MCTP2: variants seen among roughly 807,000 people sequenced by gnomAD.
MCTP2 encodes the protein multiple C2 and transmembrane domain containing 2, also known as multiple C2 and transmembrane domain-containing protein 2.
Under a neutral mutation model 111.6 loss-of-function variants are expected in MCTP2, and 132 were observed. The observed-to-expected ratio is 1.18, with a 90% CI of 1.03 to 1.37. MCTP2 has a LOEUF of 1.37. Ranked by LOEUF, MCTP2 falls within the 40% of genes most tolerant of loss-of-function variation. The probability of loss-of-function intolerance (pLI) is 0.00; values close to 1 mark genes in which losing one functional copy is unlikely to be tolerated. For synonymous variants in MCTP2, 395 were observed against 387.7 expected, an observed-to-expected ratio of 1.02 and a Z score of -0.22; for missense variants, 1,183 against 1,067.9, an observed-to-expected ratio of 1.11 and a Z score of -1.50.
intron 1 of MCTP2, among the ~76,000 whole-genome samples, chr15:94,238,577 G>A (rs75505775): frequency 0.01 from 1,535 of 152,290 alleles, 28 homozygotes; most frequent in African/African-American, 0.034. Flanking sequence ...GTTATGTGCT[G>A]AAATTTTAGT....
intron 17 of MCTP2, among the ~76,000 whole-genome samples, chr15:94,431,427 A>C (rs1031690250): frequency 1.4e-4 from 21 of 152,210 alleles, no homozygotes; most frequent in African/African-American, 4.1e-4. Context: ...AGTTAATGAA[A>C]GGTCTTAACT....
At chr15:94,460,135 C>T (rs1353632527) in intron 20 of MCTP2, among the ~76,000 whole-genome samples, 4 of 152,130 alleles carry the variant, frequency 2.6e-5, no homozygotes, top group Non-Finnish European at 5.9e-5. Context: ...AATTAGAATT[C>T]AGTAGCATTA....
At chr15:94,394,049 C>CAAAAAAAA (rs767685107) in intron 14 of MCTP2, among the ~76,000 whole-genome samples, 5 of 61,740 alleles carry the variant, frequency 8.1e-5, no homozygotes, top group African/African-American at 1.2e-4. Flanking sequence ...AACTCCATCT[C>CAAAAAAAA]AAAAAAAAAA....
At chr15:94,427,234 T>A (rs2082939206) in intron 17 of MCTP2, among the ~76,000 whole-genome samples, 1 of 152,146 alleles carries the variant, frequency 6.6e-6, no homozygotes, top group African/African-American at 2.4e-5. Context: ...TGAAGCAAAC[T>A]CTATGTTAGT....
chr15:94,381,689 G>A (rs1385902569), intron 12 of MCTP2, among the ~76,000 whole-genome samples: 1 of 152,248 alleles, frequency 6.6e-6, no homozygotes, highest in East Asian at 1.9e-4. Context: ...AAACGGTTAA[G>A]TAGCTGTTTC....
In MCTP2 at chr15:94,387,339, C is replaced by T. The variant is rs537360504; in HGVS notation, c.1788+1814C>T. Among the ~76,000 whole-genome samples, 22 of 151,986 alleles carry T rather than the reference C, an allele frequency of 1.4e-4. 1 individual carries two copies. The highest frequency in any genetic ancestry group is 4.6e-4 in the African/African-American group (19 of 41,458). On this transcript the variant is annotated intron_variant, in intron 14 of 22. Transcript: ENST00000357742. ...ACCTCTACACACTAGATAACAGTAA[C>T]GCCTGCCCACATCCCTGCTGTGACA...
intron 17 of MCTP2, among the ~76,000 whole-genome samples, chr15:94,415,714 T>G: frequency 6.6e-6 from 1 of 151,934 alleles, no homozygotes; most frequent in East Asian, 1.9e-4. Flanking sequence ...AACCCACATT[T>G]AGGACGTGAT....
chr15:94,385,328 T>C, intron 13 of MCTP2, 95 bp from the exon 14 acceptor site: 2 of 825,918 alleles, frequency 2.4e-6, no homozygotes, highest in African/African-American at 1.7e-5. Context: ...TCTAAGGACA[T>C]ACAGACTTAA....
At chr15:94,277,179 T>C (rs1596251851) in intron 1 of MCTP2, among the ~76,000 whole-genome samples, 1 of 152,228 alleles carries the variant, frequency 6.6e-6, no homozygotes, top group East Asian at 1.9e-4. Context: ...ACAATACTAA[T>C]AACTACAAAA....
At chr15:94,375,513 TCTC>T (rs66484252) in intron 12 of MCTP2, among the ~76,000 whole-genome samples, 9,422 of 152,192 alleles carry the variant, frequency 0.062, 489 homozygotes, top group South Asian at 0.1. Flanking sequence ...CTTCCAGAAT[TCTC>T]CTGGGGATTT....
At chr15:94,478,452 A>G (rs1020358031) in intron 22 of MCTP2, among the ~76,000 whole-genome samples, 2 of 152,246 alleles carry the variant, frequency 1.3e-5, no homozygotes, top group African/African-American at 4.8e-5. Context: ...TTTAGTCATT[A>G]CATTGCAAAT....
chr15:94,390,062 A>ATATATATATATGTATATATATATG (rs1567601937), intron 14 of MCTP2, among the ~76,000 whole-genome samples: 2 of 10,262 alleles, frequency 1.9e-4, no homozygotes, highest in South Asian at 4.2e-3. Flanking sequence ...ATATATATAT[A>ATATATATATATGTATATATATATG]TATATATATA....
At chr15:94,281,232 A>C (rs114721249) in intron 1 of MCTP2, among the ~76,000 whole-genome samples, 1 of 152,242 alleles carries the variant, frequency 6.6e-6, no homozygotes, top group African/African-American at 2.4e-5. Flanking sequence ...TGTTTTATGA[A>C]TCTGGCTGCT....
intron 4 of MCTP2, among the ~76,000 whole-genome samples, chr15:94,337,553 C>G (rs958524910): frequency 3.5e-5 from 5 of 144,762 alleles, no homozygotes; most frequent in Admixed American, 2.9e-4. Flanking sequence ...GAGGTGTTCT[C>G]TTCTGCTGTA....
intron 8 of MCTP2, among the ~76,000 whole-genome samples, chr15:94,354,290 G>T (rs1248010052): frequency 6.6e-6 from 1 of 152,092 alleles, no homozygotes; most frequent in Non-Finnish European, 1.5e-5. Context: ...ATATTGATAT[G>T]GTTAGACTTT....
At chr15:94,424,887 TC>T in intron 17 of MCTP2, among the ~76,000 whole-genome samples, 2 of 152,044 alleles carry the variant, frequency 1.3e-5, no homozygotes. Context: ...AATTTTCTTC[TC>T]CCCCTACATT....
rs553123142 is a variant in MCTP2, at chr15:94,382,954, G to A, written c.1583-1068G>A. Among the ~76,000 whole-genome samples the A allele has an allele frequency of 4.3e-4, 65 of 152,358 alleles. No homozygotes were observed. The South Asian group carries it at 4.8e-3, about 11-fold the overall frequency. On this transcript the variant is annotated intron_variant, in intron 12 of 22. Coordinates refer to ENST00000357742, the MANE Select transcript of MCTP2 (RefSeq NM_001385001.1). The stretch of plus-strand genomic sequence containing the variant: ...AGTTTTTTGCTTGGTAACACTGTAG[G>A]TCTAACTTTGGATCTGGAAATTTCT...
Position 94,421,150 on chromosome 15 carries a change from CT to C in MCTP2, c.2086-19021del, listed in dbSNP as rs534914568. 1.0e-4 allele frequency among the ~76,000 whole-genome samples: 15 copies of C among 150,434 alleles called. No individual in the cohort carries two copies. In the South Asian group the frequency reaches 3.1e-3, roughly 31 times the overall value. On this transcript the variant is annotated intron_variant, in intron 17 of 22. Coordinates refer to ENST00000357742, the MANE Select transcript of MCTP2 (RefSeq NM_001385001.1). Reference sequence around the variant, plus strand: ...TTTAATTAAAGTGTATTTACTTCACCTTTTTAGACATACGCTGTTGCATACT... The same window carrying C: ...TTTAATTAAAGTGTATTTACTTCACCTTTTAGACATACGCTGTTGCATACT...
chr15:94,356,383 CA>C, intron 9 of MCTP2, 82 bp downstream of exon 9: 1 of 1,298,468 alleles, frequency 7.7e-7, no homozygotes, highest in South Asian at 1.8e-5. Context: ...TTAAATTTTA[CA>C]AAAGTAGAAG....
Sources: allele counts gnomAD v4.1 joint callset (sites outside exome capture counted in the v4.1 genomes callset), GRCh38; gene constraint gnomAD v4.1.1; transcripts MANE v1.5; gene names NCBI Gene and HGNC (gene_info 2026-07-23, HGNC 2026-07-21).